ITGA1: variants seen among roughly 807,000 people sequenced by gnomAD.
ITGA1 encodes the protein integrin alpha-1.
ITGA1 carries 85 observed loss-of-function variants against 145.9 expected under a neutral mutation model. The ratio of observed to expected loss-of-function variants is 0.58; its 90% CI spans 0.49 to 0.70. The LOEUF (loss-of-function observed/expected upper bound fraction) is 0.70, where lower values mean the gene tolerates loss of function less well. ITGA1 is among the 30% of genes least tolerant of loss of function. The probability of loss-of-function intolerance (pLI) is 0.00; values close to 1 mark genes in which losing one functional copy is unlikely to be tolerated. For missense variants in ITGA1, 1,351 were observed against 1,418.7 expected (o/e 0.95, Z 0.77); for synonymous variants, 520 against 495.3 (o/e 1.05, Z -0.66).
intron 14 of ITGA1, among the ~76,000 whole-genome samples, chr5:52,911,986 T>TTTACTATATATA (rs1561246745): frequency 1.9e-5 from 1 of 53,742 alleles, no homozygotes; most frequent in African/African-American, 4.6e-5. Context: ...ATATACTATA[T>TTTACTATATATA]GTATAGTGTG....
intron 14 of ITGA1, among the ~76,000 whole-genome samples, chr5:52,912,103 CGT>C (rs1750561799): frequency 4.4e-5 from 6 of 136,218 alleles, no homozygotes; most frequent in South Asian, 4.7e-4. Context: ...CTATATATAG[CGT>C]ATCTAGTATA....
intron 8 of ITGA1, among the ~76,000 whole-genome samples, 157 bp downstream of exon 8, chr5:52,888,122 C>T (rs1750083767): frequency 6.6e-6 from 1 of 152,080 alleles, no homozygotes; most frequent in Admixed American, 6.5e-5. Context: ...GATCTTGCTC[C>T]CTCTGGGTCC....
intron 1 of ITGA1, among the ~76,000 whole-genome samples, chr5:52,831,146 T>C (rs1386340491): frequency 1.3e-5 from 2 of 150,656 alleles, no homozygotes; most frequent in African/African-American, 2.4e-5. Context: ...CTTTTTTTTT[T>C]CCTTTGAGAT....
intron 1 of ITGA1, among the ~76,000 whole-genome samples, chr5:52,832,645 C>T (rs1749089354): frequency 6.6e-6 from 1 of 151,908 alleles, no homozygotes; most frequent in African/African-American, 2.4e-5. Context: ...CCAAATATTA[C>T]ATACACTATG....
Position 52,915,394 on chromosome 5 carries a change from C to A in ITGA1, c.1858-70C>A, listed in dbSNP as rs1278229144. On this transcript the variant is annotated intron_variant, in intron 14 of 28. Transcript: ENST00000282588. ...ATTATTTTGTTAAACAATTTAAATT[C>A]TCAGATTTATTTGAAACTGTTTTGA... 5 of 1,479,876 alleles carry A rather than the reference C, an allele frequency of 3.4e-6. No individual in the cohort carries two copies. The African/African-American group carries it at 5.6e-5, about 17-fold the overall frequency. The allele number at this position is 1,479,876 out of a possible 1,614,324, so 91.7% of individuals were successfully genotyped here.
chr5:52,938,283 T>C (rs1205592708), intron 24 of ITGA1, among the ~76,000 whole-genome samples: 1 of 152,126 alleles, frequency 6.6e-6, no homozygotes, highest in Admixed American at 6.5e-5. Flanking sequence ...ACATCCCAAA[T>C]AATAGCAATA....
chr5:52,922,647 A>G, intron 17 of ITGA1, 130 bp from the exon 18 acceptor site: 2 of 654,296 alleles, frequency 3.1e-6, no homozygotes, highest in Non-Finnish European at 5.4e-6. Flanking sequence ...TGATGAGATC[A>G]TATGTCAGAT....
chr5:52,910,508 A>AC, intron 14 of ITGA1, 89 bp downstream of exon 14: 1 of 1,392,192 alleles, frequency 7.2e-7, no homozygotes, highest in Non-Finnish European at 9.8e-7. Context: ...GAGTTATTTA[A>AC]TTTCTTCCTC....
intron 1 of ITGA1, among the ~76,000 whole-genome samples, chr5:52,809,542 A>T (rs1192694263): frequency 1.4e-5 from 2 of 140,356 alleles, no homozygotes; most frequent in African/African-American, 5.4e-5. Flanking sequence ...GTCTTGCTCT[A>T]TACCCCAGGC....
intron 16 of ITGA1, 62 bp downstream of exon 16, chr5:52,918,960 A>G (rs1750690508): frequency 7.4e-7 from 1 of 1,354,858 alleles, no homozygotes. Context: ...CTCTAGCATG[A>G]TGAAGTCCAG....
At chr5:52,944,077 G>C (rs1362265539) in intron 26 of ITGA1, among the ~76,000 whole-genome samples, 1 of 152,180 alleles carries the variant, frequency 6.6e-6, no homozygotes, top group Non-Finnish European at 1.5e-5. Flanking sequence ...GGGAATGCCT[G>C]CTTTCTCCTG....
intron 2 of ITGA1, among the ~76,000 whole-genome samples, chr5:52,854,716 G>C (rs1749480460): frequency 6.6e-6 from 1 of 152,140 alleles, no homozygotes; most frequent in Admixed American, 6.6e-5. Flanking sequence ...ATATGAAACA[G>C]AGACATCAGA....
In ITGA1 at chr5:52,788,371, C is replaced by T. The variant is rs996767897; in HGVS notation, c.18C>T (p.Arg6=). The T allele has an allele frequency of 1.7e-5, 26 of 1,511,890 alleles. No homozygotes were observed. The highest frequency in any genetic ancestry group is 6.3e-5 in the Admixed American group (3 of 47,662). 93.7% of individuals were successfully genotyped at this position (1,511,890 alleles called of 1,614,324 possible). Residue 6 remains arginine (R), a synonymous_variant, in exon 1 of 29, where the codon CGC becomes CGT. Transcript: ENST00000282588. MAPRP[R]ARPGVAVACC... The stretch of plus-strand genomic sequence containing the variant: ...CTCCGGCCATGGCCCCTCGGCCCCG[C>T]GCCCGCCCAGGGGTCGCTGTCGCCT...
intron 1 of ITGA1, among the ~76,000 whole-genome samples, chr5:52,825,913 G>T (rs989544104): frequency 1.7e-5 from 2 of 116,162 alleles, no homozygotes; most frequent in Admixed American, 2.0e-4. Flanking sequence ...GTGAGACTCT[G>T]TCAAAGAAAA....
intron 1 of ITGA1, among the ~76,000 whole-genome samples, chr5:52,848,052 T>G (rs961989498): frequency 3.9e-5 from 6 of 152,214 alleles, no homozygotes; most frequent in African/African-American, 1.4e-4. Flanking sequence ...TCATCAAATA[T>G]GTAGTATGTG....
At chr5:52,883,643 T>A (rs1015541971) in intron 7 of ITGA1, among the ~76,000 whole-genome samples, 3 of 152,178 alleles carry the variant, frequency 2.0e-5, no homozygotes, top group Admixed American at 6.5e-5. Context: ...GTGTGTGTGT[T>A]CCCTTCTTCC....
intron 26 of ITGA1, among the ~76,000 whole-genome samples, chr5:52,940,991 C>A (rs1486042634): frequency 6.6e-6 from 1 of 152,004 alleles, no homozygotes; most frequent in Non-Finnish European, 1.5e-5. Context: ...TCCATGAGTA[C>A]CCAAGGCTTA....
chr5:52,841,687 C>T (rs1749255501), intron 1 of ITGA1, among the ~76,000 whole-genome samples: 1 of 152,300 alleles, frequency 6.6e-6, no homozygotes, highest in Admixed American at 6.5e-5. Context: ...CCAACTTTCA[C>T]AAACTCTTAT....
chr5:52,916,328 G>A (rs906792305), intron 15 of ITGA1, among the ~76,000 whole-genome samples: 4 of 151,386 alleles, frequency 2.6e-5, no homozygotes, highest in Non-Finnish European at 5.9e-5. Flanking sequence ...ATAAAGGAAG[G>A]GTTTCATAAA....
Sources: allele counts gnomAD v4.1 joint callset (sites outside exome capture counted in the v4.1 genomes callset), GRCh38; gene constraint gnomAD v4.1.1; transcripts MANE v1.5; gene names NCBI Gene and HGNC (gene_info 2026-07-23, HGNC 2026-07-21).